MARCHF7: variants seen among roughly 807,000 people sequenced by gnomAD.
MARCHF7 encodes membrane associated ring-CH-type finger 7, also known as E3 ubiquitin-protein ligase MARCHF7.
A neutral mutation model predicts 76.5 loss-of-function variants in MARCHF7; 20 were observed. That is an observed-to-expected ratio of 0.26 (90% CI 0.18 to 0.38). The LOEUF (loss-of-function observed/expected upper bound fraction) is 0.38. Ranked by LOEUF, MARCHF7 falls within the 10% of genes least tolerant of loss-of-function variation. The pLI, the probability that MARCHF7 is intolerant of heterozygous loss-of-function variation, is 1.00. For missense variants in MARCHF7, 797 were observed against 812.9 expected (o/e 0.98, Z 0.24); for synonymous variants, 295 against 293.0 (o/e 1.01, Z -0.07).
rs1704345009 is a variant in MARCHF7, at chr2:159,743,086, C to T, written c.179C>T (p.Ser60Leu). ...TCTACATCAGCATCAGCATCTGCGT[C>T]ACCATTTCAATCTGCATGGTATAGT... ...YQSTSASASASPFQSAWYSES... is the reference protein window; with the variant it reads ...YQSTSASASALPFQSAWYSES... Residue 60 changes from serine (S) to leucine (L), a missense_variant, in exon 5 of 12, where the codon TCA becomes TTA. By Grantham distance (145) the Ser-to-Leu change is moderately radical. Around this residue, in one of 3 missense-constraint regions of MARCHF7, gnomAD observed 643 missense variants for 631.5 expected, o/e 1.02. Coordinates refer to ENST00000409175, the MANE Select transcript of MARCHF7 (RefSeq NM_001282805.2). 6.2e-7 allele frequency: 1 copy of T among 1,613,768 alleles called. No homozygotes were observed. Among genetic ancestry groups the T allele is most frequent in the Non-Finnish European group, 8.5e-7 (1 of 1,179,872 alleles).
Position 159,768,852 on chromosome 2 carries a change from TCTG to T in MARCHF7, c.*1513_*1515del, listed in dbSNP as rs1245700383. On this transcript the variant is annotated 3_prime_UTR_variant, in exon 12 of 12. Transcript: ENST00000409175. Reference sequence around the variant, plus strand: ...ATAAAATTCAGTATGACAGTTGTCTTCTGCTTAACCCATAAAACTTTATTTAAA... The same window carrying T: ...ATAAAATTCAGTATGACAGTTGTCTTCTTAACCCATAAAACTTTATTTAAA... The T allele has an allele frequency of 6.6e-6, 1 of 152,220 alleles. No homozygotes were observed. The highest frequency in any genetic ancestry group is 2.4e-5 in the African/African-American group (1 of 41,464). 9.4% of individuals were successfully genotyped at this position (152,220 alleles called of 1,614,324 possible).
chr2:159,731,794 C>G lies in MARCHF7; in HGVS notation c.153+2619C>G, dbSNP rs190460404. ...ATTTCTTATTATGTTAAACAAATAG[C>G]ATTTTTTAAAAAAAACCATTTAAAT... is the stretch of plus-strand genomic sequence containing the variant. On this transcript the variant is annotated intron_variant, in intron 4 of 11. Transcript: ENST00000409175. Among the ~76,000 whole-genome samples the G allele has an allele frequency of 3.1e-4, 47 of 149,556 alleles. No individual in the cohort carries two copies. The East Asian group carries it at 8.5e-3, about 27-fold the overall frequency.
At chr2:159,733,609 CTTCTG>C in intron 4 of MARCHF7, 1 of 983,000 alleles carries the variant, frequency 1.0e-6, no homozygotes, top group Non-Finnish European at 1.2e-6. Flanking sequence ...AGACATAAAA[CTTCTG>C]TTATCTCAGG....
At chr2:159,732,450 T>A (rs955806648) in intron 4 of MARCHF7, among the ~76,000 whole-genome samples, 2 of 152,218 alleles carry the variant, frequency 1.3e-5, no homozygotes, top group African/African-American at 4.8e-5. Flanking sequence ...AAGTCAACCA[T>A]TTTTAGGCTG....
In MARCHF7 at chr2:159,748,911, C is replaced by A. The variant is rs573947275; in HGVS notation, c.1613+8C>A. 2 of 1,583,260 alleles carry A rather than the reference C, an allele frequency of 1.3e-6. No homozygotes were observed. Among genetic ancestry groups the A allele is most frequent in the South Asian group, 1.2e-5 (1 of 85,856 alleles). On this transcript the variant is annotated splice_region_variant and intron_variant, in intron 7 of 11. Coordinates refer to ENST00000409175, the MANE Select transcript of MARCHF7 (RefSeq NM_001282805.2). ...GCAGAAAATAAAAGAGAGGTAAATT[C>A]GAATACCTGTCTTAAGCCTATAAAT... is the stretch of plus-strand genomic sequence containing the variant.
chr2:159,723,643 C>A (rs1216048759), intron 3 of MARCHF7, among the ~76,000 whole-genome samples: 1 of 152,140 alleles, frequency 6.6e-6, no homozygotes, highest in Non-Finnish European at 1.5e-5. Flanking sequence ...ATTCTTATTT[C>A]CACTGCCCAC....
chr2:159,714,818 A>T (rs1380286995), intron 2 of MARCHF7, among the ~76,000 whole-genome samples: 1 of 152,124 alleles, frequency 6.6e-6, no homozygotes, highest in African/African-American at 2.4e-5. Context: ...TGGGCTGCTG[A>T]GGCAGAACGA....
At chr2:159,733,306 C>G (rs1450113766) in intron 4 of MARCHF7, 1 of 622,246 alleles carries the variant, frequency 1.6e-6, no homozygotes, top group Non-Finnish European at 2.0e-6. Flanking sequence ...AGCACAATCT[C>G]AGCTCACTGA....
chr2:159,716,667 T>C (rs1370799778), intron 3 of MARCHF7, among the ~76,000 whole-genome samples: 6 of 151,968 alleles, frequency 3.9e-5, no homozygotes, highest in Admixed American at 3.9e-4. Flanking sequence ...ATAGATTACA[T>C]TGGTATTTTG....
intron 3 of MARCHF7, among the ~76,000 whole-genome samples, chr2:159,725,515 C>CT (rs1702066686): frequency 6.6e-6 from 1 of 151,778 alleles, no homozygotes; most frequent in Non-Finnish European, 1.5e-5. Context: ...CCTTCGCCCA[C>CT]TTTTTTATAG....
Position 159,748,355 on chromosome 2 carries a change from G to C in MARCHF7, c.1065G>C (p.Trp355Cys), listed in dbSNP as rs762565994. ...GATTTCGATTTCTTAGGCGAAGATG[G>C]GGTTTGTCATCTCTTAGCCACAATC... ...SQGFRFLRRR[W>C]GLSSLSHNHS... The change falls in exon 7 of 12, where the codon TGG becomes TGC. Residue 355 changes from tryptophan to cysteine, a missense_variant. Around this residue, in one of 3 missense-constraint regions of MARCHF7, gnomAD observed 643 missense variants for 631.5 expected, o/e 1.02. Coordinates refer to ENST00000409175, the MANE Select transcript of MARCHF7 (RefSeq NM_001282805.2). The C allele has an allele frequency of 5.4e-5, 87 of 1,613,574 alleles. No homozygotes were observed. The highest frequency in any genetic ancestry group is 7.1e-5 in the Non-Finnish European group (84 of 1,180,002).
At chr2:159,736,322 G>A (rs1161664986) in intron 4 of MARCHF7, among the ~76,000 whole-genome samples, 1 of 152,154 alleles carries the variant, frequency 6.6e-6, no homozygotes, top group African/African-American at 2.4e-5. Flanking sequence ...GTATGAAGTG[G>A]TATGTATCTC....
chr2:159,760,060 A>T (rs1319236270), intron 9 of MARCHF7, among the ~76,000 whole-genome samples: 1 of 152,222 alleles, frequency 6.6e-6, no homozygotes, highest in Admixed American at 6.5e-5. Flanking sequence ...TAGTTCCAAA[A>T]CATTTTCATC....
intron 3 of MARCHF7, among the ~76,000 whole-genome samples, chr2:159,720,094 C>T (rs899197501): frequency 1.3e-5 from 2 of 152,122 alleles, no homozygotes; most frequent in African/African-American, 2.4e-5. Context: ...GGTGCCATCT[C>T]GGCTCACTGC....
chr2:159,751,403 A>G (rs926150056), intron 7 of MARCHF7, among the ~76,000 whole-genome samples: 2 of 152,248 alleles, frequency 1.3e-5, no homozygotes, highest in African/African-American at 4.8e-5. Flanking sequence ...GAAAAATTGA[A>G]TCCACCAAGT....
chr2:159,726,097 G>C (rs554976721), intron 3 of MARCHF7, among the ~76,000 whole-genome samples: 47 of 152,154 alleles, frequency 3.1e-4, no homozygotes, highest in Non-Finnish European at 6.0e-4. Flanking sequence ...TGGGAGATGG[G>C]GGGTGGTAGG....
chr2:159,714,007 C>T (rs182195471), intron 1 of MARCHF7, among the ~76,000 whole-genome samples: 1 of 152,156 alleles, frequency 6.6e-6, no homozygotes, highest in Non-Finnish European at 1.5e-5. Context: ...TTTCTGCCAC[C>T]TGGAAGAGGG....
intron 1 of MARCHF7, 139 bp from the exon 2 acceptor site, chr2:159,714,418 C>A (rs1700798908): frequency 6.6e-6 from 1 of 152,080 alleles, no homozygotes; most frequent in Admixed American, 6.6e-5. Context: ...TACAGTGGTT[C>A]TGTGGGAGCA....
rs115265301 is a variant in MARCHF7 at position 159,743,869 on chromosome 2, A to G, written c.346+616A>G. Among the ~76,000 whole-genome samples, 1,370 of 151,770 alleles carry G rather than the reference A, an allele frequency of 9.0e-3. 27 individuals carry two copies. Among genetic ancestry groups the G allele is most frequent in the African/African-American group, 0.031 (1,286 of 41,392 alleles). ...GTTATGGTGAGCTATGATCATGCCAATGCACTGTAGCCTGGTAGACAGAGC... is the reference window on the plus strand; with the variant it reads ...GTTATGGTGAGCTATGATCATGCCAGTGCACTGTAGCCTGGTAGACAGAGC... On this transcript the variant is annotated intron_variant, in intron 5 of 11. Transcript: ENST00000409175.
Sources: gnomAD v4.1 joint callset for allele counts (sites outside exome capture counted in the v4.1 genomes callset) on GRCh38, gnomAD v4.1.1 for gene constraint, gnomAD v4.1.1 regional missense constraint, MANE v1.5 for transcripts, NCBI Gene and HGNC (gene_info 2026-07-23, HGNC 2026-07-21) for gene names.